Variants in EML6 observed in about 807,000 individuals in gnomAD.
EML6 encodes echinoderm microtubule-associated protein-like 6.
A neutral mutation model predicts 240.1 loss-of-function variants in EML6; 154 were observed. The observed-to-expected ratio is 0.64, with a 90% CI of 0.56 to 0.73. EML6 has a LOEUF of 0.73. Among genes scored for constraint, EML6 ranks in the 30% least tolerant of loss-of-function variants. The pLI, the probability that EML6 is intolerant of heterozygous loss-of-function variation, is 0.00. For synonymous variants in EML6, 1,148 were observed against 899.0 expected (o/e 1.28, Z -4.95); for missense variants, 2,964 against 2,474.6 (o/e 1.20, Z -4.20).
At chr2:54,888,800 C>T (rs1207155204) in intron 17 of EML6, among the ~76,000 whole-genome samples, 1 of 152,168 alleles carries the variant, frequency 6.6e-6, no homozygotes, top group Non-Finnish European at 1.5e-5. Context: ...CACATTTTGA[C>T]AATTATGAAG....
At chr2:54,811,815 C>T (rs1667861915) in intron 2 of EML6, among the ~76,000 whole-genome samples, 1 of 152,164 alleles carries the variant, frequency 6.6e-6, no homozygotes, top group Admixed American at 6.5e-5. Context: ...TTGGGAGGGT[C>T]CTTTCTTATT....
At chr2:54,940,086 T>C (rs1172420006) in intron 28 of EML6, among the ~76,000 whole-genome samples, 2 of 152,208 alleles carry the variant, frequency 1.3e-5, no homozygotes, top group African/African-American at 2.4e-5. Context: ...AAATTAGAAG[T>C]AGTTTCTAAG....
rs183064449 is a variant in EML6 at position 54,847,572 on chromosome 2, C to G, written c.1136C>G (p.Ser379Cys). 29 of 1,552,360 alleles carry G rather than the reference C, an allele frequency of 1.9e-5. No individual in the cohort carries two copies. Among genetic ancestry groups the G allele is most frequent in the Middle Eastern group, 3.3e-4 (2 of 5,992 alleles). Residue 379 changes from serine (S) to cysteine (C), a missense_variant, in exon 9 of 42, where the codon TCT becomes TGT. By Grantham distance (112) the Ser-to-Cys change is moderately radical (BLOSUM62 -1). Transcript: ENST00000356458. The part of the protein sequence containing the change: ...VRSVAFSPDG[S>C]QLALGMKDGS... ...AGTGTAGCTTTCAGCCCCGACGGAT[C>G]TCAGCTGGCCCTGGGCATGAAGGAC... is the stretch of plus-strand genomic sequence containing the variant.
chr2:54,852,455 G>T (rs1278450193), intron 10 of EML6, among the ~76,000 whole-genome samples: 1 of 152,034 alleles, frequency 6.6e-6, no homozygotes, highest in Non-Finnish European at 1.5e-5. Context: ...TCCTGTTCAG[G>T]GGTGGCATCA....
intron 2 of EML6, among the ~76,000 whole-genome samples, chr2:54,740,815 C>G (rs1280390937): frequency 6.6e-6 from 1 of 151,980 alleles, no homozygotes; most frequent in African/African-American, 2.4e-5. Flanking sequence ...AACACATTCA[C>G]TTTGACTGGC....
chr2:54,784,215 G>GGATT (rs1391448809), intron 2 of EML6, among the ~76,000 whole-genome samples: 1 of 151,976 alleles, frequency 6.6e-6, no homozygotes, highest in Admixed American at 6.6e-5. Context: ...CAAAGTGTTG[G>GGATT]GATTATAGGC....
At chr2:54,887,139 T>C (rs1220786670) in intron 17 of EML6, among the ~76,000 whole-genome samples, 1 of 152,252 alleles carries the variant, frequency 6.6e-6, no homozygotes, top group Admixed American at 6.5e-5. Flanking sequence ...ATTTTTCTGC[T>C]GTCAGTAATA....
intron 22 of EML6, among the ~76,000 whole-genome samples, chr2:54,902,653 C>T (rs1673119788): frequency 6.6e-6 from 1 of 152,232 alleles, no homozygotes; most frequent in Admixed American, 6.5e-5. Flanking sequence ...CCTGCCTTGG[C>T]CTCCCAAGGT....
chr2:54,925,842 G>T (rs1338300004), intron 26 of EML6, among the ~76,000 whole-genome samples: 2 of 152,026 alleles, frequency 1.3e-5, no homozygotes, highest in Non-Finnish European at 2.9e-5. Context: ...TCCGAACCTA[G>T]ACCCTTTTGC....
intron 2 of EML6, among the ~76,000 whole-genome samples, chr2:54,730,579 G>A (rs147066328): frequency 1.3e-5 from 2 of 152,314 alleles, no homozygotes; most frequent in African/African-American, 2.4e-5. Context: ...ATGGCTCTGC[G>A]AGGGGAAGAG....
chr2:54,793,899 C>T (rs1009909190), intron 2 of EML6, among the ~76,000 whole-genome samples: 4 of 152,182 alleles, frequency 2.6e-5, no homozygotes, highest in Non-Finnish European at 4.4e-5. Flanking sequence ...CAATAGCCTA[C>T]TAGGAGACAG....
intron 14 of EML6, chr2:54,868,173 ATTTT>A (rs151019126): frequency 3.3e-5 from 5 of 151,682 alleles, no homozygotes; most frequent in African/African-American, 7.3e-5. Flanking sequence ...ACTGAAATAA[ATTTT>A]TTTTTCTAAT....
intron 36 of EML6, among the ~76,000 whole-genome samples, chr2:54,963,129 G>A (rs3821111): frequency 2.0e-5 from 3 of 150,202 alleles, no homozygotes; most frequent in African/African-American, 4.9e-5. Context: ...TGGGCGGAGC[G>A]GGGTGGGTGG....
At chr2:54,904,912 T>A (rs1267835971) in intron 24 of EML6, among the ~76,000 whole-genome samples, 1 of 152,240 alleles carries the variant, frequency 6.6e-6, no homozygotes, top group Admixed American at 6.5e-5. Context: ...CTGGCAGGTA[T>A]TTAGTTGTAA....
intron 16 of EML6, among the ~76,000 whole-genome samples, chr2:54,877,189 G>T (rs1340206463): frequency 6.6e-6 from 1 of 151,946 alleles, no homozygotes; most frequent in Non-Finnish European, 1.5e-5. Context: ...TCCTCATGTT[G>T]CCCAGGCTGA....
At chr2:54,815,004 A>G (rs1358418547) in intron 3 of EML6, among the ~76,000 whole-genome samples, 1 of 152,246 alleles carries the variant, frequency 6.6e-6, no homozygotes, top group African/African-American at 2.4e-5. Flanking sequence ...ATACACATGT[A>G]CAAGTATAAA....
chr2:54,944,729 T>C (rs1573193264), intron 28 of EML6, among the ~76,000 whole-genome samples: 1 of 152,082 alleles, frequency 6.6e-6, no homozygotes, highest in African/African-American at 2.4e-5. Flanking sequence ...ATCCTGCAGT[T>C]CTTCTGCCTG....
intron 5 of EML6, among the ~76,000 whole-genome samples, chr2:54,820,824 A>C (rs1171472991): frequency 1.3e-5 from 2 of 152,212 alleles, no homozygotes; most frequent in African/African-American, 4.8e-5. Flanking sequence ...ACATATTTGC[A>C]TGTCAACACT....
At chr2:54,882,334 T>C (rs1227765160) in intron 17 of EML6, 1 of 150,886 alleles carries the variant, frequency 6.6e-6, no homozygotes, top group African/African-American at 2.4e-5. Context: ...AAGTATCCCA[T>C]TTAAGAACCA....
Sources: allele counts gnomAD v4.1 joint callset (sites outside exome capture counted in the v4.1 genomes callset), GRCh38; gene constraint gnomAD v4.1.1; transcripts MANE v1.5; gene names NCBI Gene and HGNC (gene_info 2026-07-23, HGNC 2026-07-21).